Variants in PLA2G4A observed in about 807,000 individuals in gnomAD.
The protein encoded by PLA2G4A is phospholipase A2 group IVA.
In PLA2G4A, 40 loss-of-function variants were observed where a neutral mutation model predicts 81.9. The observed-to-expected ratio is 0.49, with a 90% CI of 0.38 to 0.64. PLA2G4A has a LOEUF of 0.64. PLA2G4A is among the 30% of genes least tolerant of loss of function. The probability of loss-of-function intolerance (pLI) is 0.00; values close to 1 mark genes in which losing one functional copy is unlikely to be tolerated. For missense variants in PLA2G4A, 715 were observed against 905.1 expected, an observed-to-expected ratio of 0.79 and a Z score of 2.69; for synonymous variants, 302 against 296.9, an observed-to-expected ratio of 1.02 and a Z score of -0.18.
intron 3 of PLA2G4A, among the ~76,000 whole-genome samples, chr1:186,890,281 T>G (rs951938248): frequency 6.6e-6 from 1 of 152,170 alleles, no homozygotes; most frequent in Non-Finnish European, 1.5e-5. Flanking sequence ...ACAAGATCTT[T>G]GCCCTCAAGT....
In PLA2G4A at chr1:186,912,064, C is replaced by T. The variant is rs1654963364; in HGVS notation, c.558+675C>T. On this transcript the variant is annotated intron_variant, in intron 7 of 17. Coordinates refer to ENST00000367466, the MANE Select transcript of PLA2G4A (RefSeq NM_024420.3). ...TCCACCTTTCTGTTCTCCTCAGGCCCTCCAAGGATGGAATGATGTGCGCAC... is the reference window on the plus strand; with the variant it reads ...TCCACCTTTCTGTTCTCCTCAGGCCTTCCAAGGATGGAATGATGTGCGCAC... 2.6e-5 allele frequency among the ~76,000 whole-genome samples: 4 copies of T among 152,164 alleles called. 1 individual carries two copies. The South Asian group carries it at 8.3e-4, about 31-fold the overall frequency.
At chr1:186,907,110 G>A (rs966985106) in intron 6 of PLA2G4A, 108 bp downstream of exon 6, 1 of 679,882 alleles carries the variant, frequency 1.5e-6, no homozygotes, top group South Asian at 1.7e-5. Context: ...TGAACATATA[G>A]AAGTGCATTA....
chr1:186,918,745 G>T (rs1352414721), intron 7 of PLA2G4A, among the ~76,000 whole-genome samples: 2 of 152,224 alleles, frequency 1.3e-5, no homozygotes, highest in Non-Finnish European at 2.9e-5. Flanking sequence ...GGGATTTAGG[G>T]TGTTACAGAC....
At chr1:186,844,398 T>A (rs1652096619) in intron 1 of PLA2G4A, among the ~76,000 whole-genome samples, 1 of 152,242 alleles carries the variant, frequency 6.6e-6, no homozygotes, top group Admixed American at 6.5e-5. Flanking sequence ...ATAAGAATGA[T>A]GATGATGGAA....
chr1:186,984,462 A>G (rs910891874), intron 17 of PLA2G4A, among the ~76,000 whole-genome samples: 2 of 152,220 alleles, frequency 1.3e-5, no homozygotes, highest in Non-Finnish European at 1.5e-5. Context: ...GCATATGCCA[A>G]TGATGCAAAG....
chr1:186,916,981 C>T (rs550749650), intron 7 of PLA2G4A, among the ~76,000 whole-genome samples: 6 of 152,232 alleles, frequency 3.9e-5, no homozygotes, highest in African/African-American at 1.4e-4. Flanking sequence ...CAGGGCTTGT[C>T]GTCCTCCTCA....
intron 8 of PLA2G4A, among the ~76,000 whole-genome samples, chr1:186,935,821 C>T (rs1026240246): frequency 4.9e-4 from 74 of 151,964 alleles, no homozygotes; most frequent in African/African-American, 1.7e-3. Flanking sequence ...TGAGGTAATA[C>T]GGAAATATGT....
chr1:186,917,392 GT>G (rs2102170041), intron 7 of PLA2G4A, among the ~76,000 whole-genome samples: 1 of 152,298 alleles, frequency 6.6e-6, no homozygotes, highest in African/African-American at 2.4e-5. Flanking sequence ...GGAGTATCCT[GT>G]TTTCTTAGAA....
At chr1:186,903,872 G>A (rs536905568) in intron 5 of PLA2G4A, among the ~76,000 whole-genome samples, 95 of 152,110 alleles carry the variant, frequency 6.2e-4, no homozygotes, top group Middle Eastern at 3.4e-3. Flanking sequence ...CTCCTACCCC[G>A]CCACCCTGGT....
chr1:186,972,881 A>G (rs987117946), intron 15 of PLA2G4A, among the ~76,000 whole-genome samples: 1 of 152,192 alleles, frequency 6.6e-6, no homozygotes, highest in African/African-American at 2.4e-5. Flanking sequence ...CGGAAAAAGT[A>G]TCTGTATTTT....
At chr1:186,897,045 A>G (rs1296457212) in intron 5 of PLA2G4A, among the ~76,000 whole-genome samples, 5 of 152,154 alleles carry the variant, frequency 3.3e-5, no homozygotes, top group Admixed American at 2.6e-4. Context: ...AATGGGAGAG[A>G]AGAGATGTAA....
intron 3 of PLA2G4A, among the ~76,000 whole-genome samples, chr1:186,887,548 A>C (rs1653978943): frequency 6.6e-6 from 1 of 152,136 alleles, no homozygotes; most frequent in Non-Finnish European, 1.5e-5. Context: ...AGATTTAGAT[A>C]AAAGGATGAG....
rs1159292166 is a variant in PLA2G4A, at chr1:186,907,009, G to T, written c.416+7G>T. On this transcript the variant is annotated splice_region_variant and intron_variant, in intron 6 of 17. Transcript: ENST00000367466. ...AAATGTCTCTTGAAGTTTGGTAAGT[G>T]CATTTATTTAGTTGGATGAGAAATA... The T allele has an allele frequency of 6.9e-7, 1 of 1,448,966 alleles. No homozygotes were observed. Among genetic ancestry groups the T allele is most frequent in the Non-Finnish European group, 9.7e-7 (1 of 1,031,138 alleles). 89.8% of individuals were successfully genotyped at this position (1,448,966 alleles called of 1,614,324 possible).
At chr1:186,904,491 T>C (rs1345083309) in intron 5 of PLA2G4A, among the ~76,000 whole-genome samples, 1 of 152,250 alleles carries the variant, frequency 6.6e-6, no homozygotes, top group Non-Finnish European at 1.5e-5. Flanking sequence ...AATATCAAGC[T>C]TATCATGCAT....
At chr1:186,843,061 A>G (rs1302252848) in intron 1 of PLA2G4A, among the ~76,000 whole-genome samples, 6 of 152,160 alleles carry the variant, frequency 3.9e-5, no homozygotes, top group Non-Finnish European at 8.8e-5. Context: ...TTCTTGAGAC[A>G]GTTATTCTTT....
At chr1:186,948,591 C>A (rs1656424801) in intron 12 of PLA2G4A, among the ~76,000 whole-genome samples, 1 of 151,544 alleles carries the variant, frequency 6.6e-6, no homozygotes, top group South Asian at 2.1e-4. Context: ...GTTGAATAAT[C>A]CAGATAACCC....
chr1:186,868,764 A>G (rs760926407), intron 2 of PLA2G4A, among the ~76,000 whole-genome samples: 6 of 152,138 alleles, frequency 3.9e-5, no homozygotes, highest in Non-Finnish European at 7.4e-5. Flanking sequence ...GGTAGATTCT[A>G]TCTTTTAAGA....
At chr1:186,956,726 C>T (rs1002024098) in intron 14 of PLA2G4A, among the ~76,000 whole-genome samples, 1 of 152,100 alleles carries the variant, frequency 6.6e-6, no homozygotes, top group Admixed American at 6.5e-5. Flanking sequence ...GTTGCCCAAG[C>T]TGGTCTCAGA....
At chr1:186,985,669 A>G (rs1281148157) in intron 17 of PLA2G4A, among the ~76,000 whole-genome samples, 1 of 152,064 alleles carries the variant, frequency 6.6e-6, no homozygotes, top group Non-Finnish European at 1.5e-5. Context: ...CTCTGCTTTC[A>G]TTAGCAAAGA....
Sources: gnomAD v4.1 joint callset for allele counts (sites outside exome capture counted in the v4.1 genomes callset) on GRCh38, gnomAD v4.1.1 for gene constraint, MANE v1.5 for transcripts, NCBI Gene and HGNC (gene_info 2026-07-23, HGNC 2026-07-21) for gene names.